Variants in KIAA1671 observed in about 807,000 individuals in gnomAD.
KIAA1671 encodes KIAA1671, also known as uncharacterized protein KIAA1671.
In KIAA1671, 52 loss-of-function variants were observed where a neutral mutation model predicts 131.2. That is an observed-to-expected ratio of 0.40 (90% CI 0.32 to 0.50). KIAA1671 has a LOEUF of 0.50. KIAA1671 is among the 20% of genes least tolerant of loss of function. The pLI is 0.73. For synonymous variants in KIAA1671, 1,003 were observed against 961.6 expected, an observed-to-expected ratio of 1.04 and a Z score of -0.80; for missense variants, 2,360 against 2,364.2, an observed-to-expected ratio of 1.00 and a Z score of 0.04.
chr22:24,966,704 GT>G (rs1922323693), intron 1 of KIAA1671, among the ~76,000 whole-genome samples: 1 of 152,190 alleles, frequency 6.6e-6, no homozygotes, highest in South Asian at 2.1e-4. Context: ...TGTAATCTTA[GT>G]GCTTTGGGAG....
chr22:25,038,739 T>C, intron 4 of KIAA1671, 21 bp from the exon 5 acceptor site: 1 of 1,515,342 alleles, frequency 6.6e-7, no homozygotes, highest in South Asian at 1.2e-5. Context: ...GGTGTTTCTT[T>C]TTCTTTTTGT....
chr22:24,979,402 T>A (rs1284769260), intron 1 of KIAA1671, among the ~76,000 whole-genome samples: 1 of 150,784 alleles, frequency 6.6e-6, no homozygotes, highest in Non-Finnish European at 1.5e-5. Flanking sequence ...CAGGCCGGAC[T>A]GCAGTGCGGC....
At chr22:25,003,399 GATTTTTTTTTTT>G (rs1473443269) in intron 1 of KIAA1671, among the ~76,000 whole-genome samples, 2 of 128,544 alleles carry the variant, frequency 1.6e-5, no homozygotes, top group East Asian at 5.3e-4. Context: ...CACTTGGAGA[GATTTTTTTTTTT>G]TTTTTTTTTT....
intron 6 of KIAA1671, chr22:25,061,083 G>A (rs1039175755): frequency 4.6e-5 from 7 of 152,018 alleles, no homozygotes; most frequent in Non-Finnish European, 7.4e-5. Context: ...TTATTTTCAT[G>A]GATGATATTT....
chr22:25,068,054 G>C (rs1211027407), intron 6 of KIAA1671, among the ~76,000 whole-genome samples: 1 of 152,276 alleles, frequency 6.6e-6, no homozygotes, highest in Non-Finnish European at 1.5e-5. Flanking sequence ...GCAGGACCCA[G>C]TGCTCTGGCT....
intron 6 of KIAA1671, among the ~76,000 whole-genome samples, chr22:25,084,545 A>G (rs931314571): frequency 1.3e-4 from 19 of 148,546 alleles, no homozygotes; most frequent in Admixed American, 4.7e-4. Flanking sequence ...CAGGGTGTGC[A>G]GGGCAGGGAC....
chr22:25,040,725 C>T lies in KIAA1671; in HGVS notation c.3595C>T (p.Leu1199Phe). The T allele has an allele frequency of 6.4e-7, 1 of 1,552,050 alleles. No homozygotes were observed. The highest frequency in any genetic ancestry group is 8.7e-7 in the Non-Finnish European group (1 of 1,147,090). The stretch of plus-strand genomic sequence containing the variant: ...CAGAGATGGCTACAGATCCAGCGTT[C>T]TTGACATTGACGCCCTGATGGCAGA... ...KIRDGYRSSV[L>F]DIDALMAEYQ... is the part of the protein sequence containing the mutation. The change falls in exon 5 of 13, where the codon CTT becomes TTT. Residue 1199 changes from leucine to phenylalanine, a missense_variant. Around this residue, in one of 3 missense-constraint regions of KIAA1671, gnomAD observed 1,161 missense variants for 1,204.7 expected, o/e 0.96. Transcript: ENST00000358431.
intron 1 of KIAA1671, among the ~76,000 whole-genome samples, chr22:25,022,442 G>A (rs1236592116): frequency 6.6e-6 from 1 of 152,184 alleles, no homozygotes; most frequent in African/African-American, 2.4e-5. Flanking sequence ...TGGTGCTTGG[G>A]AGGGAGGCAG....
rs143052704 is a variant in KIAA1671 at position 25,100,478 on chromosome 22, G to C, written c.4530+51114G>C. On this transcript the variant is annotated intron_variant, in intron 6 of 12. Coordinates refer to ENST00000358431, the MANE Select transcript of KIAA1671 (RefSeq NM_001145206.2). ...ACCCCATAATCCAGCTGACACAAAT[G>C]GGGGTATTCACAGGGGCAGGGTAGC... 2.8e-3 allele frequency among the ~76,000 whole-genome samples: 422 copies of C among 152,282 alleles called. 2 individuals are homozygous for C. Among genetic ancestry groups the C allele is most frequent in the Middle Eastern group, 0.027 (8 of 294 alleles).
In KIAA1671 at chr22:25,041,085, A is replaced by G; in HGVS notation, c.3955A>G (p.Arg1319Gly). 1.3e-6 allele frequency: 2 copies of G among 1,541,048 alleles called. No individual in the cohort carries two copies. The highest frequency in any genetic ancestry group is 8.8e-7 in the Non-Finnish European group (1 of 1,141,480). Residue 1319 changes from arginine to glycine, a missense_variant, in exon 5 of 13, where the codon AGG (arginine) becomes GGG (glycine). Physicochemically the swap from Arg to Gly is moderately radical, Grantham distance 125. Transcript: ENST00000358431. ...GGGCTCTCCTATACCTGCGGATCCC[A>G]GGAAAAAAACGGGGTTTGCTGAGGA... ...PGGSPIPADP[R>G]KKTGFAEDDR...
intron 6 of KIAA1671, among the ~76,000 whole-genome samples, chr22:25,091,464 A>C (rs1461665881): frequency 6.6e-6 from 1 of 152,218 alleles, no homozygotes; most frequent in Non-Finnish European, 1.5e-5. Flanking sequence ...GCTGCCAAAA[A>C]CAAAACTCTT....
At chr22:25,120,592 G>A (rs889788120) in intron 6 of KIAA1671, among the ~76,000 whole-genome samples, 5 of 152,050 alleles carry the variant, frequency 3.3e-5, no homozygotes, top group Admixed American at 6.6e-5. Context: ...AACAAAATAC[G>A]GTGTGCTCAA....
chr22:25,190,511 T>C (rs1245577002), intron 11 of KIAA1671, among the ~76,000 whole-genome samples, 191 bp from the exon 12 acceptor site: 3 of 152,298 alleles, frequency 2.0e-5, no homozygotes, highest in African/African-American at 7.2e-5. Context: ...ATATTCCCCA[T>C]TGTTGGACAC....
intron 6 of KIAA1671, chr22:25,111,041 T>A (rs1184263776): frequency 6.6e-6 from 1 of 152,088 alleles, no homozygotes; most frequent in African/African-American, 2.4e-5. Context: ...GACAAGCAAG[T>A]GGAAGTTGAG....
chr22:25,114,400 C>T (rs1006921829), intron 6 of KIAA1671, among the ~76,000 whole-genome samples: 4 of 152,264 alleles, frequency 2.6e-5, no homozygotes, highest in Admixed American at 6.5e-5. Flanking sequence ...TGAATGCTCT[C>T]TCTCTGTTGC....
At chr22:25,038,144 C>A (rs1926716826) in intron 4 of KIAA1671, among the ~76,000 whole-genome samples, 1 of 152,056 alleles carries the variant, frequency 6.6e-6, no homozygotes, top group Non-Finnish European at 1.5e-5. Context: ...GCCTTTAATT[C>A]CTTTTAAAAG....
At chr22:25,160,723 C>T (rs1933415444) in intron 6 of KIAA1671, among the ~76,000 whole-genome samples, 1 of 152,162 alleles carries the variant, frequency 6.6e-6, no homozygotes, top group Admixed American at 6.5e-5. Context: ...CTGGCCACAC[C>T]TGGCCCAGCC....
intron 10 of KIAA1671, among the ~76,000 whole-genome samples, chr22:25,183,725 T>C (rs972513498): frequency 6.6e-6 from 1 of 151,928 alleles, no homozygotes; most frequent in Admixed American, 6.6e-5. Flanking sequence ...GGTTTCACCA[T>C]GTTAGTAAGG....
intron 1 of KIAA1671, among the ~76,000 whole-genome samples, chr22:24,986,870 A>G (rs1481541882): frequency 6.6e-6 from 1 of 151,886 alleles, no homozygotes; most frequent in Non-Finnish European, 1.5e-5. Flanking sequence ...ATGAAGGACA[A>G]AGCCCCTTGC....
Sources: gnomAD v4.1 joint callset for allele counts (sites outside exome capture counted in the v4.1 genomes callset) on GRCh38, gnomAD v4.1.1 for gene constraint, gnomAD v4.1.1 regional missense constraint, MANE v1.5 for transcripts, NCBI Gene and HGNC (gene_info 2026-07-23, HGNC 2026-07-21) for gene names.